The following WWC1 variants were observed in gnomAD, a reference collection of about 807,000 sequenced individuals.
The protein encoded by WWC1 is WW and C2 domain containing 1, also known as protein KIBRA.
A neutral mutation model predicts 138.4 loss-of-function variants in WWC1; 55 were observed. The ratio of observed to expected loss-of-function variants is 0.40; its 90% CI spans 0.32 to 0.50. The LOEUF is 0.50. Among genes scored for constraint, WWC1 ranks in the 20% least tolerant of loss-of-function variants. The pLI, the probability that WWC1 is intolerant of heterozygous loss-of-function variation, is 0.72. For synonymous variants in WWC1, 524 were observed against 564.9 expected (o/e 0.93, Z 1.03); for missense variants, 1,226 against 1,420.4 (o/e 0.86, Z 2.20).
intron 1 of WWC1, among the ~76,000 whole-genome samples, chr5:168,330,007 G>A (rs1294838002): frequency 2.0e-5 from 3 of 152,186 alleles, no homozygotes; most frequent in Non-Finnish European, 2.9e-5. Context: ...CTACTTGGGA[G>A]GCGGAGGCAT....
intron 16 of WWC1, among the ~76,000 whole-genome samples, chr5:168,443,212 C>T (rs1294693242): frequency 3.3e-5 from 5 of 152,144 alleles, no homozygotes; most frequent in Admixed American, 6.5e-5. Flanking sequence ...TTCAATGGAG[C>T]GGATGGGTTG....
chr5:168,384,467 A>G (rs1777883065), intron 2 of WWC1, among the ~76,000 whole-genome samples: 1 of 152,182 alleles, frequency 6.6e-6, no homozygotes, highest in Non-Finnish European at 1.5e-5. Context: ...CTTAATTTGC[A>G]TTGTCAGATA....
chr5:168,419,380 C>A (rs1272672810), intron 9 of WWC1, among the ~76,000 whole-genome samples: 3 of 152,146 alleles, frequency 2.0e-5, no homozygotes, highest in Non-Finnish European at 2.9e-5. Context: ...GAGAAAAAGT[C>A]ATCCATTCAG....
intron 1 of WWC1, among the ~76,000 whole-genome samples, chr5:168,303,951 C>T (rs1194215422): frequency 6.6e-6 from 1 of 152,214 alleles, no homozygotes; most frequent in Non-Finnish European, 1.5e-5. Flanking sequence ...TTCCCCTAGA[C>T]CACTGCTTCA....
intron 1 of WWC1, among the ~76,000 whole-genome samples, chr5:168,337,502 C>T (rs1773590880): frequency 1.3e-5 from 2 of 152,098 alleles, no homozygotes; most frequent in African/African-American, 4.8e-5. Context: ...CACAGGACAG[C>T]CCCCGCCACA....
At position 168,453,999 on chromosome 5, in the gene WWC1, G is replaced by A. The variant is rs1175858800; in HGVS notation, c.2557G>A (p.Val853Ile). 6.2e-7 allele frequency: 1 copy of A among 1,609,806 alleles called. No homozygotes were observed. Among genetic ancestry groups the A allele is most frequent in the Non-Finnish European group, 8.5e-7 (1 of 1,179,736 alleles). ...RYEETSENEA[V>I]AEEEEEEVEE... ...TGAGGAGACCAGTGAGAATGAGGCA[G>A]TAGCCGAGGAAGAGGAGGAGGAGGT... The change falls in exon 18 of 23, where the codon GTA becomes ATA. Residue 853 changes from valine to isoleucine, a missense_variant. This residue lies in a region of WWC1 where 1,016 missense variants were observed against 1,153.9 expected (regional missense o/e 0.88). Transcript: ENST00000265293.
At chr5:168,376,769 A>G (rs1442536595) in intron 2 of WWC1, among the ~76,000 whole-genome samples, 1 of 152,226 alleles carries the variant, frequency 6.6e-6, no homozygotes, top group Non-Finnish European at 1.5e-5. Context: ...ACACTGCTGA[A>G]AGAAATCACA....
intron 1 of WWC1, among the ~76,000 whole-genome samples, chr5:168,302,392 G>A (rs1026055737): frequency 2.0e-5 from 3 of 152,268 alleles, no homozygotes; most frequent in East Asian, 1.9e-4. Context: ...GTGTGCACGC[G>A]GGGGATGGAG....
chr5:168,381,463 T>C lies in WWC1; in HGVS notation c.230-3748T>C, dbSNP rs183395150. Among the ~76,000 whole-genome samples the C allele has an allele frequency of 3.4e-4, 52 of 152,282 alleles. 1 individual carries two copies. Among genetic ancestry groups the C allele is most frequent in the Admixed American group, 2.9e-3 (45 of 15,292 alleles). On this transcript the variant is annotated intron_variant, in intron 2 of 22. Transcript: ENST00000265293. ...CTCAGTGACCAATCGGCCCATGTGT[T>C]TGTCATCTCTTAAACACCGGTTCTC...
intron 1 of WWC1, among the ~76,000 whole-genome samples, chr5:168,366,805 T>TTC (rs1195349927): frequency 2.0e-5 from 1 of 50,612 alleles, no homozygotes; most frequent in East Asian, 6.4e-4. Context: ...TGAAACACTT[T>TTC]TTTTTTTTTT....
chr5:168,378,705 G>T (rs1056352606), intron 2 of WWC1, among the ~76,000 whole-genome samples: 4 of 152,260 alleles, frequency 2.6e-5, no homozygotes, highest in Admixed American at 2.0e-4. Context: ...AGACATGAGG[G>T]TACTGTTTTC....
intron 2 of WWC1, among the ~76,000 whole-genome samples, chr5:168,375,297 C>T (rs981024658): frequency 1.3e-5 from 2 of 151,976 alleles, no homozygotes; most frequent in African/African-American, 2.4e-5. Flanking sequence ...AAAGAGTGAT[C>T]AGAAAGGAGG....
At position 168,414,451 on chromosome 5, in the gene WWC1, G is replaced by A. The variant is rs764814667; in HGVS notation, c.1045G>A (p.Glu349Lys). The change falls in exon 9 of 23, where the codon GAG (glutamate) becomes AAG (lysine). Residue 349 changes from glutamate (E) to lysine (K), a missense_variant. Physicochemically the swap from Glu to Lys is moderately conservative, Grantham distance 56. Transcript: ENST00000265293. The part of the protein sequence containing the change: ...DRLILINEKE[E>K]LLKEMRFISP... Reference sequence around the variant, plus strand: ...GCTGATCCTTATCAACGAGAAGGAGGAGCTGCTGAAGGAGATGCGCTTCAT... The same window carrying A: ...GCTGATCCTTATCAACGAGAAGGAGAAGCTGCTGAAGGAGATGCGCTTCAT... 1 of 1,579,806 alleles carries A rather than the reference G, an allele frequency of 6.3e-7. No individual in the cohort carries two copies.
chr5:168,352,666 C>A (rs949341691), intron 1 of WWC1, among the ~76,000 whole-genome samples: 3 of 151,818 alleles, frequency 2.0e-5, no homozygotes, highest in Non-Finnish European at 4.4e-5. Flanking sequence ...TCGCTGCAAC[C>A]TCTGCCTCCC....
chr5:168,354,493 T>C (rs576889040), intron 1 of WWC1, among the ~76,000 whole-genome samples: 2 of 152,360 alleles, frequency 1.3e-5, no homozygotes, highest in South Asian at 4.1e-4. Flanking sequence ...CTTTTTAAAA[T>C]ATATTTTAGC....
chr5:168,441,597 CA>C, intron 15 of WWC1, 84 bp from the exon 16 acceptor site: 1 of 1,465,380 alleles, frequency 6.8e-7, no homozygotes. Flanking sequence ...GTGTTTTTTC[CA>C]TACTGTCCTC....
At chr5:168,348,754 G>A in intron 1 of WWC1, among the ~76,000 whole-genome samples, 1 of 152,294 alleles carries the variant, frequency 6.6e-6, no homozygotes, top group African/African-American at 2.4e-5. Flanking sequence ...CCATCCTGAA[G>A]GTAGCCCAGA....
At chr5:168,439,115 A>G (rs1582302136) in intron 15 of WWC1, among the ~76,000 whole-genome samples, 1 of 152,210 alleles carries the variant, frequency 6.6e-6, no homozygotes, top group Non-Finnish European at 1.5e-5. Context: ...CTATAGACAC[A>G]GATATACTTA....
At chr5:168,295,939 G>A (rs529408672) in intron 1 of WWC1, among the ~76,000 whole-genome samples, 19 of 152,336 alleles carry the variant, frequency 1.2e-4, no homozygotes, top group South Asian at 6.2e-4. Context: ...GGCTCCAGCA[G>A]CACCACAGGC....
Sources: allele counts gnomAD v4.1 joint callset (sites outside exome capture counted in the v4.1 genomes callset), GRCh38; gene constraint gnomAD v4.1.1; regional missense constraint gnomAD v4.1.1; transcripts MANE v1.5; gene names NCBI Gene and HGNC (gene_info 2026-07-23, HGNC 2026-07-21).